PTPRD: variants seen among roughly 807,000 people sequenced by gnomAD.
The protein encoded by PTPRD is receptor-type tyrosine-protein phosphatase delta.
PTPRD carries 34 observed loss-of-function variants against 214.5 expected under a neutral mutation model. The observed-to-expected ratio is 0.16, with a 90% confidence interval of 0.12 to 0.21. The LOEUF is 0.21. PTPRD is among the 10% of genes least tolerant of loss of function. The probability of loss-of-function intolerance (pLI) is 1.00; values close to 1 mark genes in which losing one functional copy is unlikely to be tolerated. For synonymous variants in PTPRD, 1,128 were observed against 845.7 expected (o/e 1.33, Z -5.79); for missense variants, 2,545 against 2,398.7 (o/e 1.06, Z -1.27).
At chr9:10,554,996 T>A (rs1048824901) in intron 2 of PTPRD, among the ~76,000 whole-genome samples, 7 of 152,202 alleles carry the variant, frequency 4.6e-5, no homozygotes, top group Admixed American at 1.3e-4. Flanking sequence ...ACCATTTAGA[T>A]AAGAATGTGT....
intron 3 of PTPRD, among the ~76,000 whole-genome samples, chr9:10,118,198 A>ATCTATCTC (rs780467721): frequency 2.0e-5 from 2 of 99,720 alleles, no homozygotes; most frequent in East Asian, 9.5e-4. Flanking sequence ...CACATTTATT[A>ATCTATCTC]TCTATCTATC....
intron 3 of PTPRD, among the ~76,000 whole-genome samples, chr9:10,045,257 T>C (rs1158673383): frequency 6.6e-6 from 1 of 151,680 alleles, no homozygotes; most frequent in South Asian, 2.1e-4. Context: ...AAAAATAATA[T>C]TTTTTTGGAA....
chr9:10,116,864 T>G (rs1591579068), intron 3 of PTPRD, among the ~76,000 whole-genome samples: 1 of 152,086 alleles, frequency 6.6e-6, no homozygotes, highest in East Asian at 1.9e-4. Flanking sequence ...CACTTGCTCT[T>G]CCTTCTGCCT....
chr9:9,260,342 T>A (rs1384129111), intron 9 of PTPRD, among the ~76,000 whole-genome samples: 1 of 151,862 alleles, frequency 6.6e-6, no homozygotes, highest in Non-Finnish European at 1.5e-5. Context: ...CTGACTATAT[T>A]AAATCATGAT....
intron 8 of PTPRD, among the ~76,000 whole-genome samples, chr9:9,572,553 ATATATATG>A (rs927518142): frequency 9.0e-6 from 1 of 111,706 alleles, no homozygotes; most frequent in African/African-American, 3.6e-5. Flanking sequence ...ACAATGGCAT[ATATATATG>A]TATATATATA....
intron 9 of PTPRD, among the ~76,000 whole-genome samples, chr9:9,255,214 A>T (rs760905880): frequency 1.3e-5 from 2 of 152,052 alleles, no homozygotes; most frequent in Non-Finnish European, 2.9e-5. Context: ...AGAAGAATAA[A>T]ATATGTTTGC....
intron 7 of PTPRD, among the ~76,000 whole-genome samples, chr9:9,629,988 T>C (rs1242818536): frequency 2.6e-5 from 4 of 150,958 alleles, no homozygotes; most frequent in African/African-American, 4.9e-5. Context: ...CCCTTTTTTT[T>C]CCAGCTTTTG....
rs1047826783 is a variant in PTPRD at position 10,582,197 on chromosome 9, C to T, written c.-600+30201G>A. On this transcript the variant is annotated intron_variant, in intron 2 of 45. Coordinates refer to ENST00000381196, the MANE Select transcript of PTPRD (RefSeq NM_002839.4). ...AGGTGCCCCTGGATTAATGGCCATC[C>T]GGTGAAACTGTTTATCAACAAGAAG... Among the ~76,000 whole-genome samples, 6 of 152,068 alleles carry T rather than the reference C, an allele frequency of 3.9e-5. No individual in the cohort carries two copies. The South Asian group carries it at 6.2e-4, about 16-fold the overall frequency.
chr9:8,316,959 T>G lies in PTPRD; in HGVS notation c.*915A>C, dbSNP rs564573569. ...CTGTCTATATATACATAGACACCCT[T>G]ATAAAATATGGATATATATGTATAT... On this transcript the variant is annotated 3_prime_UTR_variant, in exon 46 of 46. Coordinates refer to ENST00000381196, the MANE Select transcript of PTPRD (RefSeq NM_002839.4). 2 of 231,382 alleles carry G rather than the reference T, an allele frequency of 8.6e-6. No individual in the cohort carries two copies. The highest frequency in any genetic ancestry group is 4.4e-5 in the African/African-American group (2 of 45,148). 14.3% of individuals were successfully genotyped at this position (231,382 alleles called of 1,614,324 possible).
intron 11 of PTPRD, among the ~76,000 whole-genome samples, chr9:8,790,345 A>T (rs1345952152): frequency 1.3e-5 from 2 of 152,054 alleles, no homozygotes; most frequent in East Asian, 1.9e-4. Context: ...TAAATTTATT[A>T]TTTATTATAC....
At chr9:10,032,832 A>T (rs1422824025) in intron 4 of PTPRD, among the ~76,000 whole-genome samples, 1 of 151,532 alleles carries the variant, frequency 6.6e-6, no homozygotes, top group Non-Finnish European at 1.5e-5. Context: ...TTTCAACTGT[A>T]TGCAATTTAT....
chr9:9,807,164 C>T (rs2045719557), intron 5 of PTPRD, among the ~76,000 whole-genome samples: 1 of 152,122 alleles, frequency 6.6e-6, no homozygotes, highest in Non-Finnish European at 1.5e-5. Flanking sequence ...TTATGCCCCT[C>T]AGCAGAATTA....
chr9:10,332,844 T>A (rs1485060390), intron 3 of PTPRD, among the ~76,000 whole-genome samples: 2 of 151,836 alleles, frequency 1.3e-5, no homozygotes, highest in East Asian at 3.9e-4. Context: ...TTGTCCCGAA[T>A]CTCTAAGCAC....
intron 7 of PTPRD, among the ~76,000 whole-genome samples, chr9:9,669,087 CT>C (rs1224811635): frequency 1.6e-4 from 25 of 152,164 alleles, no homozygotes; most frequent in East Asian, 1.9e-4. Context: ...TCTAGTTCTA[CT>C]TTTTTTATTA....
chr9:8,646,188 T>A (rs1015919496), intron 12 of PTPRD, among the ~76,000 whole-genome samples: 9 of 152,200 alleles, frequency 5.9e-5, no homozygotes, highest in African/African-American at 2.2e-4. Flanking sequence ...GATTGAGAAT[T>A]ACTGAATGAT....
At chr9:9,741,631 G>C (rs1007800117) in intron 6 of PTPRD, among the ~76,000 whole-genome samples, 3 of 152,144 alleles carry the variant, frequency 2.0e-5, no homozygotes, top group African/African-American at 7.2e-5. Context: ...ACAGGCCCCA[G>C]TGTGTGATGT....
chr9:10,596,431 G>A (rs2076641057), intron 2 of PTPRD, among the ~76,000 whole-genome samples: 1 of 151,542 alleles, frequency 6.6e-6, no homozygotes, highest in Admixed American at 6.6e-5. Context: ...AGCCTTTATA[G>A]TCAAATAATT....
chr9:8,938,091 G>C (rs907314629), intron 11 of PTPRD, among the ~76,000 whole-genome samples: 44 of 152,118 alleles, frequency 2.9e-4, no homozygotes, highest in Admixed American at 2.0e-3. Flanking sequence ...ATGAAGTATT[G>C]CAAAAGGAAC....
At chr9:9,509,329 G>C (rs1313518136) in intron 8 of PTPRD, among the ~76,000 whole-genome samples, 1 of 151,260 alleles carries the variant, frequency 6.6e-6, no homozygotes, top group East Asian at 1.9e-4. Context: ...TATAGAAATT[G>C]ACCCTCCTAC....
Sources: gnomAD v4.1 joint callset for allele counts (sites outside exome capture counted in the v4.1 genomes callset) on GRCh38, gnomAD v4.1.1 for gene constraint, MANE v1.5 for transcripts, NCBI Gene and HGNC (gene_info 2026-07-23, HGNC 2026-07-21) for gene names.